The following GRIP2 variants were observed in gnomAD, a reference collection of about 807,000 sequenced individuals.
GRIP2 encodes the protein glutamate receptor-interacting protein 2.
A neutral mutation model predicts 108.3 loss-of-function variants in GRIP2; 58 were observed. The observed-to-expected ratio is 0.54, with a 90% CI of 0.43 to 0.67. The LOEUF (loss-of-function observed/expected upper bound fraction) is 0.67, where lower values mean the gene tolerates loss of function less well. Ranked by LOEUF, GRIP2 falls within the 30% of genes least tolerant of loss-of-function variation. The probability of loss-of-function intolerance (pLI) is 0.00; values close to 1 mark genes in which losing one functional copy is unlikely to be tolerated. For missense variants in GRIP2, 1,278 were observed against 1,430.6 expected (o/e 0.89, Z 1.72); for synonymous variants, 586 against 598.2 (o/e 0.98, Z 0.30).
At position 14,489,547 on chromosome 3, in the gene GRIP2, C is replaced by T. The variant is rs983001853; in HGVS notation, c.*4118G>A. On this transcript the variant is annotated 3_prime_UTR_variant, in exon 24 of 24. Coordinates refer to ENST00000621039, the MANE Select transcript of GRIP2 (RefSeq NM_001080423.4). ...GGTACACAGCAAGTCCATGAAAGAA[C>T]CTGGATTCGCACCCGGGCCCATGAG... 33 of 152,416 alleles carry T rather than the reference C, an allele frequency of 2.2e-4. No homozygotes were observed. Among genetic ancestry groups the T allele is most frequent in the African/African-American group, 7.9e-4 (33 of 41,568 alleles). 9.4% of individuals were successfully genotyped at this position (152,416 alleles called of 1,614,324 possible). A position where few individuals can be genotyped will look rare whatever the true frequency, so the allele number is the denominator to read the frequency against.
the GRIP2 span, among the ~76,000 whole-genome samples, chr3:14,579,006 A>G: frequency 6.6e-6 from 1 of 152,202 alleles, no homozygotes; most frequent in East Asian, 1.9e-4. Context: ...TTCACATGAC[A>G]CTTGCGTATC....
chr3:14,583,058 T>A, the GRIP2 span, among the ~76,000 whole-genome samples: 5 of 152,212 alleles, frequency 3.3e-5, no homozygotes, highest in African/African-American at 1.2e-4. Flanking sequence ...TCAGAGCAAG[T>A]GGCTGAGCAG....
intron 13 of GRIP2, 140 bp downstream of exon 13, chr3:14,513,525 A>G (rs1432360559): frequency 3.4e-6 from 4 of 1,168,262 alleles, no homozygotes; most frequent in Admixed American, 2.7e-5. Context: ...CCTTCCCACT[A>G]TAAGCTGCAA....
the GRIP2 span, among the ~76,000 whole-genome samples, chr3:14,598,417 G>A: frequency 3.3e-5 from 5 of 151,964 alleles, no homozygotes; most frequent in South Asian, 6.2e-4. Context: ...CAGAAATGCC[G>A]GATGTGCCTA....
intron 1 of GRIP2, among the ~76,000 whole-genome samples, chr3:14,528,813 T>A (rs1361545715): frequency 6.6e-6 from 1 of 152,244 alleles, no homozygotes; most frequent in African/African-American, 2.4e-5. Flanking sequence ...CATTCATCTA[T>A]ATCTTCTTTG....
the GRIP2 span, among the ~76,000 whole-genome samples, chr3:14,568,705 G>A: frequency 6.6e-6 from 1 of 152,236 alleles, no homozygotes; most frequent in South Asian, 2.1e-4. Flanking sequence ...GTGGCAGGGA[G>A]ACAGAGATGG....
rs1693485596 is a variant in GRIP2 at position 14,493,821 on chromosome 3, G to A, written c.2976C>T (p.Asn992=). The A allele has an allele frequency of 6.2e-7, 1 of 1,611,476 alleles. No individual in the cohort carries two copies. The highest frequency in any genetic ancestry group is 1.3e-5 in the African/African-American group (1 of 75,026). Reference sequence around the variant, plus strand: ...AGTCGAAGTCCCGTGTACGGACGTGGTTGACCTGCATGGGGCACAAGCAAG... The same window carrying A: ...AGTCGAAGTCCCGTGTACGGACGTGATTGACCTGCATGGGGCACAAGCAAG... ...LQPFDRVLQV[N]HVRTRDFDCC... is the part of the protein sequence containing the mutation. Residue 992 remains asparagine (N), a synonymous_variant, in exon 24 of 24, where the codon AAC becomes AAT. Coordinates refer to ENST00000621039, the MANE Select transcript of GRIP2 (RefSeq NM_001080423.4).
upstream of GRIP2, among the ~76,000 whole-genome samples, chr3:14,544,300 G>A (rs1695024978): frequency 6.6e-6 from 1 of 152,168 alleles, no homozygotes; most frequent in African/African-American, 2.4e-5. Flanking sequence ...CACTAGAGTT[G>A]GGGCATTCTG....
Position 14,521,961 on chromosome 3 carries a change from T to G in GRIP2, c.567-174A>C. ...ATGAGTGAGTGAAGGAATGAGCCACTCCAGGAGTGGGGAGCTGCATAAAGC... is the reference window on the plus strand; with the variant it reads ...ATGAGTGAGTGAAGGAATGAGCCACGCCAGGAGTGGGGAGCTGCATAAAGC... On this transcript the variant is annotated intron_variant, in intron 6 of 23. Coordinates refer to ENST00000621039, the MANE Select transcript of GRIP2 (RefSeq NM_001080423.4). The surrounding 1 kb of genome is among the most constrained non-coding windows in gnomAD (Gnocchi z 5.1). 1 of 572,620 alleles carries G rather than the reference T, an allele frequency of 1.7e-6. No homozygotes were observed. The allele number at this position is 572,620 out of a possible 1,614,324, so 35.5% of individuals were successfully genotyped here.
chr3:14,574,786 CT>C, the GRIP2 span: 1 of 369,888 alleles, frequency 2.7e-6, no homozygotes, highest in African/African-American at 2.1e-5. Flanking sequence ...GCCACCAACT[CT>C]CGCTTCCCAC....
chr3:14,502,503 AAGAG>A (rs532027571), intron 21 of GRIP2, among the ~76,000 whole-genome samples: 12 of 151,644 alleles, frequency 7.9e-5, no homozygotes, highest in African/African-American at 1.2e-4. Context: ...CAAAAAAAAA[AAGAG>A]AGAGAGAGAG....
the GRIP2 span, among the ~76,000 whole-genome samples, chr3:14,578,609 C>G: frequency 6.6e-6 from 1 of 151,736 alleles, no homozygotes; most frequent in East Asian, 1.9e-4. Flanking sequence ...CCCAGCTACT[C>G]GGGAGGCTGA....
chr3:14,564,873 A>C, the GRIP2 span, among the ~76,000 whole-genome samples: 1 of 152,166 alleles, frequency 6.6e-6, no homozygotes, highest in Non-Finnish European at 1.5e-5. Flanking sequence ...TGGGAATCTG[A>C]ATCAGGTGCT....
chr3:14,547,684 C>G (rs1157616154), intron 1 of GRIP2, among the ~76,000 whole-genome samples: 1 of 152,182 alleles, frequency 6.6e-6, no homozygotes, highest in African/African-American at 2.4e-5. Context: ...TCTGTCCACC[C>G]TCCCCATCCT....
At chr3:14,503,854 C>T (rs1019841617) in intron 20 of GRIP2, 183 bp from the exon 21 acceptor site, 3 of 596,198 alleles carry the variant, frequency 5.0e-6, no homozygotes, top group Non-Finnish European at 8.9e-6. Flanking sequence ...GTTGGTGACA[C>T]GGAATAGGGG....
the GRIP2 span, among the ~76,000 whole-genome samples, chr3:14,599,679 C>CTGTGTGTG: frequency 1.0e-4 from 11 of 107,076 alleles, no homozygotes; most frequent in African/African-American, 4.1e-4. Context: ...CTCTCTCTCT[C>CTGTGTGTG]TCTCTCTGTG....
the GRIP2 span, among the ~76,000 whole-genome samples, chr3:14,596,105 G>A: frequency 6.6e-6 from 1 of 152,234 alleles, no homozygotes; most frequent in Non-Finnish European, 1.5e-5. Flanking sequence ...CTGGCCTTGG[G>A]GTCAGAACTG....
rs535642303 is a variant in GRIP2 at position 14,514,339 on chromosome 3, G to A, written c.1446C>T (p.Ser482=). The A allele has an allele frequency of 1.3e-6, 2 of 1,578,612 alleles. No individual in the cohort carries two copies. Among genetic ancestry groups the A allele is most frequent in the African/African-American group, 1.3e-5 (1 of 74,362 alleles). ...QGGIFATETL[S]SPPLVCFIEP... ...CGATGAAGCACACGAGGGGTGGGGA[G>A]GACAGGGTCTCGGTGGCGAAGATGC... is the stretch of plus-strand genomic sequence containing the variant. The change falls in exon 12 of 24, where the codon TCC becomes TCT. Residue 482 remains serine, a synonymous_variant. Transcript: ENST00000621039.
upstream of GRIP2, among the ~76,000 whole-genome samples, chr3:14,546,526 C>G (rs1695060648): frequency 6.6e-6 from 1 of 152,094 alleles, no homozygotes; most frequent in African/African-American, 2.4e-5. Flanking sequence ...AGTTGAGCAT[C>G]AAAGCTCCTC....
Sources: allele counts gnomAD v4.1 joint callset (sites outside exome capture counted in the v4.1 genomes callset), GRCh38; gene constraint gnomAD v4.1.1; non-coding constraint Gnocchi (gnomAD v3.1); transcripts MANE v1.5; gene names NCBI Gene and HGNC (gene_info 2026-07-23, HGNC 2026-07-21).